Variants in SLC9A3 observed in about 807,000 individuals in gnomAD.
SLC9A3 encodes solute carrier family 9 member A3.
Under a neutral mutation model 86.8 loss-of-function variants are expected in SLC9A3, and 37 were observed. That is an observed-to-expected ratio of 0.43 (90% CI 0.33 to 0.56). The LOEUF is 0.56. SLC9A3 is among the 20% of genes least tolerant of loss of function. SLC9A3 has a pLI of 0.06. For synonymous variants in SLC9A3, 581 were observed against 528.3 expected (o/e 1.10, Z -1.37); for missense variants, 1,011 against 1,171.9 (o/e 0.86, Z 2.00).
At chr5:475,460 C>A in intron 15 of SLC9A3, 101 bp downstream of exon 15, 1 of 717,688 alleles carries the variant, frequency 1.4e-6, no homozygotes, top group Non-Finnish European at 2.4e-6. Context: ...GGAGACCCCA[C>A]CCCCCCAGGT....
chr5:506,850 A>C lies in SLC9A3; in HGVS notation c.212-14779T>G, dbSNP rs1740603175. 2.6e-5 allele frequency among the ~76,000 whole-genome samples: 4 copies of C among 151,778 alleles called. No homozygotes were observed. In the South Asian group the frequency reaches 8.3e-4, roughly 32 times the overall value. ...TGGGAGGCCAAGGTGGGTGGATCAC[A>C]AGGTCATGAGATCGAGACCAGCCTG... On this transcript the variant is annotated intron_variant, in intron 1 of 16. Transcript: ENST00000264938.
chr5:470,926 G>A lies in SLC9A3; in HGVS notation c.*2453C>T, dbSNP rs117352980. The A allele has an allele frequency of 5.9e-5, 9 of 152,448 alleles. No individual in the cohort carries two copies. The East Asian group carries it at 1.7e-3, about 29-fold the overall frequency. The allele number at this position is 152,448 out of a possible 1,614,324, so 9.4% of individuals were successfully genotyped here. A position where few individuals can be genotyped will look rare whatever the true frequency, so the allele number is the denominator to read the frequency against. ...CCTAAGGAAATACATTCATAAGACT[G>A]TTTACCTTCTGTTTGACAGCAGTGA... On this transcript the variant is annotated 3_prime_UTR_variant, in exon 17 of 17. Coordinates refer to ENST00000264938, the MANE Select transcript of SLC9A3 (RefSeq NM_004174.4).
chr5:523,803 G>A lies in SLC9A3; in HGVS notation c.211+309C>T, dbSNP rs929249166. Among the ~76,000 whole-genome samples the A allele has an allele frequency of 9.7e-4, 148 of 152,278 alleles. 1 individual carries two copies. Among genetic ancestry groups the A allele is most frequent in the African/African-American group, 3.4e-3 (141 of 41,574 alleles). On this transcript the variant is annotated intron_variant, in intron 1 of 16. Coordinates refer to ENST00000264938, the MANE Select transcript of SLC9A3 (RefSeq NM_004174.4). Reference sequence around the variant, plus strand: ...CCGGCCCCGGGGACTCCCTGGGCGCGAGCAGCCTGCAGTCTGCGGGGCTCG... The same window carrying A: ...CCGGCCCCGGGGACTCCCTGGGCGCAAGCAGCCTGCAGTCTGCGGGGCTCG...
rs1188280793 is a variant in SLC9A3, at chr5:476,089, T to G, written c.2071A>C (p.Asn691His). 5.6e-6 allele frequency: 9 copies of G among 1,613,454 alleles called. No individual in the cohort carries two copies. Among genetic ancestry groups the G allele is most frequent in the Non-Finnish European group, 7.6e-6 (9 of 1,179,896 alleles). Residue 691 changes from asparagine to histidine, a missense_variant, in exon 14 of 17, where the codon AAC becomes CAC. This residue lies in a region of SLC9A3 where 397 missense variants were observed against 346.3 expected (regional missense o/e 1.15). Transcript: ENST00000264938. ...YKRERAQKRR[N>H]SSIPNGKLPM... is the part of the protein sequence containing the mutation. Reference sequence around the variant, plus strand: ...AGCTTCCCATTGGGGATGCTGCTGTTTCTCTGCGGAGCAAACGTGAAGCTG... The same window carrying G: ...AGCTTCCCATTGGGGATGCTGCTGTGTCTCTGCGGAGCAAACGTGAAGCTG...
chr5:489,651 A>G (rs1466010213), intron 2 of SLC9A3, among the ~76,000 whole-genome samples: 1 of 152,190 alleles, frequency 6.6e-6, no homozygotes, highest in African/African-American at 2.4e-5. Flanking sequence ...TTAAAGTTCC[A>G]TGTTGGAACG....
Position 497,312 on chromosome 5 carries a change from A to G in SLC9A3, c.212-5241T>C, listed in dbSNP as rs892522294. 1.3e-5 allele frequency among the ~76,000 whole-genome samples: 2 copies of G among 152,112 alleles called. No individual in the cohort carries two copies. Among genetic ancestry groups the G allele is most frequent in the East Asian group, 1.9e-4 (1 of 5,170 alleles). On this transcript the variant is annotated intron_variant, in intron 1 of 16. Transcript: ENST00000264938. This position sits in a 1 kb window ranked among gnomAD's most constrained non-coding sequence, Gnocchi z 5.4. ...CACTGGCCGAATTCCCTCCAGGTGC[A>G]GGAGTCGACGCCCCCCACTGCCCTC...
In SLC9A3 at chr5:482,144, T is replaced by A; in HGVS notation, c.1370A>T (p.Lys457Met). Residue 457 changes from lysine (K) to methionine (M), a missense_variant, in exon 8 of 17, where the codon AAG (lysine) becomes ATG (methionine). By Grantham distance (95) the Lys-to-Met change is moderately conservative. Coordinates refer to ENST00000264938, the MANE Select transcript of SLC9A3 (RefSeq NM_004174.4). Reference protein sequence around the residue: ...FTVIFQGLTIKPLVQWLKVKR... With the variant: ...FTVIFQGLTIMPLVQWLKVKR... ...CACCTTCAGCCACTGCACCAGAGGC[T>A]TGATGGTCAGGCCCTGGAGGACAGG... The A allele has an allele frequency of 6.2e-7, 1 of 1,610,206 alleles. No individual in the cohort carries two copies. Among genetic ancestry groups the A allele is most frequent in the Non-Finnish European group, 8.5e-7 (1 of 1,178,658 alleles).
chr5:473,215 T>A lies in SLC9A3; in HGVS notation c.*164A>T. ...GGCTCTGCGGGCGCAGGCGCGGCAC[T>A]CTCGGAGTTCTGCGCAGGCGCTGGC... On this transcript the variant is annotated 3_prime_UTR_variant, in exon 17 of 17. Coordinates refer to ENST00000264938, the MANE Select transcript of SLC9A3 (RefSeq NM_004174.4). 1 of 744,234 alleles carries A rather than the reference T, an allele frequency of 1.3e-6. No homozygotes were observed. Among genetic ancestry groups the A allele is most frequent in the Non-Finnish European group, 1.8e-6 (1 of 556,462 alleles). 46.1% of individuals were successfully genotyped at this position (744,234 alleles called of 1,614,324 possible).
intron 1 of SLC9A3, among the ~76,000 whole-genome samples, chr5:509,843 T>A (rs191084991): frequency 1.3e-5 from 2 of 152,164 alleles, no homozygotes; most frequent in Non-Finnish European, 2.9e-5. Context: ...CAGGGCCTGA[T>A]GATTTGGAAG....
Position 473,342 on chromosome 5 carries a change from G to T in SLC9A3, c.*37C>A. On this transcript the variant is annotated 3_prime_UTR_variant, in exon 17 of 17. Coordinates refer to ENST00000264938, the MANE Select transcript of SLC9A3 (RefSeq NM_004174.4). ...CGGCGGTGGGCGGACCGTGGCGCGG[G>T]GACGAGCGGCCGGTTAGCGGCGTGT... The T allele has an allele frequency of 7.1e-7, 1 of 1,416,570 alleles. No individual in the cohort carries two copies. 87.8% of individuals were successfully genotyped at this position (1,416,570 alleles called of 1,614,324 possible).
At position 471,752 on chromosome 5, in the gene SLC9A3, A is replaced by T. The variant is rs1447106471; in HGVS notation, c.*1627T>A. 2 of 455,838 alleles carry T rather than the reference A, an allele frequency of 4.4e-6. No individual in the cohort carries two copies. Among genetic ancestry groups the T allele is most frequent in the African/African-American group, 4.0e-5 (2 of 50,050 alleles). The allele number at this position is 455,838 out of a possible 1,614,324, so 28.2% of individuals were successfully genotyped here. ...CTGCGCTTGATCTGATCCAAGTAAC[A>T]GTGACTGCAGTTAGGGTCGAGAGCT... On this transcript the variant is annotated 3_prime_UTR_variant, in exon 17 of 17. Coordinates refer to ENST00000264938, the MANE Select transcript of SLC9A3 (RefSeq NM_004174.4).
intron 2 of SLC9A3, among the ~76,000 whole-genome samples, chr5:490,233 C>T (rs1020562599): frequency 4.6e-5 from 7 of 152,242 alleles, no homozygotes; most frequent in African/African-American, 1.7e-4. Context: ...GAGCGGCCTG[C>T]CCCAGGGGGC....
intron 2 of SLC9A3, among the ~76,000 whole-genome samples, chr5:489,724 T>G (rs10076162): frequency 0.11 from 16,692 of 152,132 alleles, 999 homozygotes; most frequent in Admixed American, 0.18. Context: ...CCCTTCAAGG[T>G]CATCTTTAAA....
At position 497,056 on chromosome 5, in the gene SLC9A3, A is replaced by G. The variant is rs1178710221; in HGVS notation, c.212-4985T>C. Among the ~76,000 whole-genome samples, 1 of 152,206 alleles carries G rather than the reference A, an allele frequency of 6.6e-6. No individual in the cohort carries two copies. Among genetic ancestry groups the G allele is most frequent in the Non-Finnish European group, 1.5e-5 (1 of 68,040 alleles). ...GGCGACGGAGGCCTTGTCTCAAAAA[A>G]AAAATTTTTTTTTTACTTGAATTTA... is the stretch of plus-strand genomic sequence containing the variant. On this transcript the variant is annotated intron_variant, in intron 1 of 16. Coordinates refer to ENST00000264938, the MANE Select transcript of SLC9A3 (RefSeq NM_004174.4). This position sits in a 1 kb window ranked among gnomAD's most constrained non-coding sequence, Gnocchi z 5.4.
In SLC9A3 at chr5:519,053, T is replaced by G. The variant is rs1031383714; in HGVS notation, c.211+5059A>C. Among the ~76,000 whole-genome samples, 59 of 152,320 alleles carry G rather than the reference T, an allele frequency of 3.9e-4. 1 individual carries two copies. The highest frequency in any genetic ancestry group is 3.6e-3 in the Admixed American group (55 of 15,304). Reference sequence around the variant, plus strand: ...TTGTTTTATAGCCTACAGCTGATTCTCCGTGGGCAGCTCCTGGAAAATGAA... The same window carrying G: ...TTGTTTTATAGCCTACAGCTGATTCGCCGTGGGCAGCTCCTGGAAAATGAA... On this transcript the variant is annotated intron_variant, in intron 1 of 16. Transcript: ENST00000264938.
Position 524,071 on chromosome 5 carries a change from C to T in SLC9A3, c.211+41G>A, listed in dbSNP as rs895742166. On this transcript the variant is annotated intron_variant, in intron 1 of 16. Coordinates refer to ENST00000264938, the MANE Select transcript of SLC9A3 (RefSeq NM_004174.4). ...CCCCCAGGCCCAGCAGAGGCGGCCG[C>T]ACACCCCGCGGGCAGATCCGGAGAC... is the stretch of plus-strand genomic sequence containing the variant. 6 of 1,373,260 alleles carry T rather than the reference C, an allele frequency of 4.4e-6. No individual in the cohort carries two copies. The African/African-American group carries it at 9.1e-5, about 21-fold the overall frequency. 85.1% of individuals were successfully genotyped at this position (1,373,260 alleles called of 1,614,324 possible). A position where few individuals can be genotyped will look rare whatever the true frequency, so the allele number is the denominator to read the frequency against.
chr5:507,185 T>C (rs1398314429), intron 1 of SLC9A3, among the ~76,000 whole-genome samples: 1 of 105,846 alleles, frequency 9.4e-6, no homozygotes, highest in Non-Finnish European at 1.9e-5. Flanking sequence ...TTTTTTTTTT[T>C]TGAGACGGAG....
intron 16 of SLC9A3, among the ~76,000 whole-genome samples, chr5:473,605 C>G (rs985177965): frequency 2.0e-5 from 3 of 152,130 alleles, no homozygotes; most frequent in African/African-American, 7.2e-5. Context: ...GCCACGTCCC[C>G]CCGCCGGGGG....
At position 475,644 on chromosome 5, in the gene SLC9A3, G is replaced by A; in HGVS notation, c.2168C>T (p.Pro723Leu). Residue 723 changes from proline to leucine, a missense_variant, in exon 15 of 17, where the codon CCC becomes CTC. Physicochemically the swap from Pro to Leu is moderately conservative, Grantham distance 98. Around this residue, in one of 3 missense-constraint regions of SLC9A3, gnomAD observed 397 missense variants for 346.3 expected, o/e 1.15. Coordinates refer to ENST00000264938, the MANE Select transcript of SLC9A3 (RefSeq NM_004174.4). Reference sequence around the variant, plus strand: ...ACTCATCTCCTCATCATAGTTGGGGGGCTCCTCGGTGTCTGAAAGTTCCAA... The same window carrying A: ...ACTCATCTCCTCATCATAGTTGGGGAGCTCCTCGGTGTCTGAAAGTTCCAA... ...KDLELSDTEE[P>L]PNYDEEMSGG... 1 of 1,551,588 alleles carries A rather than the reference G, an allele frequency of 6.4e-7. No homozygotes were observed. The highest frequency in any genetic ancestry group is 8.7e-7 in the Non-Finnish European group (1 of 1,146,644).
Sources: allele counts gnomAD v4.1 joint callset (sites outside exome capture counted in the v4.1 genomes callset), GRCh38; gene constraint gnomAD v4.1.1; regional missense constraint gnomAD v4.1.1; non-coding constraint Gnocchi (gnomAD v3.1); transcripts MANE v1.5; gene names NCBI Gene and HGNC (gene_info 2026-07-23, HGNC 2026-07-21).